Variants in PTPRJ observed in about 807,000 individuals in gnomAD.
PTPRJ encodes the protein protein tyrosine phosphatase receptor type J.
Under a neutral mutation model 141.3 loss-of-function variants are expected in PTPRJ, and 129 were observed. That is an observed-to-expected ratio of 0.91 (90% confidence interval 0.79 to 1.06). The LOEUF (loss-of-function observed/expected upper bound fraction) is 1.06. Ranked by LOEUF, PTPRJ falls within the 50% of genes least tolerant of loss-of-function variation. The pLI, the probability that PTPRJ is intolerant of heterozygous loss-of-function variation, is 0.00. For missense variants in PTPRJ, 1,601 were observed against 1,679.7 expected (o/e 0.95, Z 0.82); for synonymous variants, 610 against 640.5 (o/e 0.95, Z 0.72).
At chr11:48,150,445 C>G (rs891823395) in intron 18 of PTPRJ, among the ~76,000 whole-genome samples, 2 of 152,208 alleles carry the variant, frequency 1.3e-5, no homozygotes, top group African/African-American at 4.8e-5. Flanking sequence ...TGTTGCGCTC[C>G]AAACCCTTTG....
At chr11:48,159,812 T>C (rs952363335) in intron 21 of PTPRJ, 118 bp from the exon 22 acceptor site, 2 of 1,323,370 alleles carry the variant, frequency 1.5e-6, no homozygotes, top group African/African-American at 3.0e-5. Context: ...AAAACCCAAC[T>C]AGAAGGTCTG....
chr11:48,027,370 C>A (rs746324119), intron 1 of PTPRJ, among the ~76,000 whole-genome samples: 1 of 151,996 alleles, frequency 6.6e-6, no homozygotes, highest in Non-Finnish European at 1.5e-5. Context: ...GATATAGAGT[C>A]TTCCCATAAA....
chr11:48,026,792 C>T (rs1168065915), intron 1 of PTPRJ, among the ~76,000 whole-genome samples: 2 of 151,784 alleles, frequency 1.3e-5, no homozygotes, highest in Admixed American at 6.6e-5. Flanking sequence ...TTGGTGCACC[C>T]ATCACCTGAG....
intron 21 of PTPRJ, among the ~76,000 whole-genome samples, chr11:48,157,629 A>G (rs2134383069): frequency 6.6e-6 from 1 of 152,330 alleles, no homozygotes; most frequent in African/African-American, 2.4e-5. Context: ...GGAGCCCTTC[A>G]GGCATCATTT....
chr11:48,061,976 G>A (rs1854944517), intron 1 of PTPRJ, among the ~76,000 whole-genome samples: 1 of 150,340 alleles, frequency 6.7e-6, no homozygotes, highest in Non-Finnish European at 1.5e-5. Context: ...GAGTGCAGTG[G>A]TGTGATCTTG....
intron 9 of PTPRJ, among the ~76,000 whole-genome samples, chr11:48,136,654 G>A (rs941471185): frequency 6.6e-6 from 1 of 152,070 alleles, no homozygotes; most frequent in Non-Finnish European, 1.5e-5. Flanking sequence ...GGTGTTTTGC[G>A]AATATTTGAA....
rs573116609 is a variant in PTPRJ at position 48,156,225 on chromosome 11, A to C, written c.3438+106A>C. ...TTTGTTTCTTTAAAAAAACTCAAAC[A>C]TTAGCACTTTATTCTTATAAACTTG... On this transcript the variant is annotated intron_variant, in intron 21 of 24. Coordinates refer to ENST00000418331, the MANE Select transcript of PTPRJ (RefSeq NM_002843.4). 9 of 952,984 alleles carry C rather than the reference A, an allele frequency of 9.4e-6. No homozygotes were observed. In the African/African-American group the frequency reaches 1.5e-4, roughly 16 times the overall value. 59.0% of individuals were successfully genotyped at this position (952,984 alleles called of 1,614,324 possible).
At chr11:48,167,160 G>T (rs372519671) in intron 24 of PTPRJ, 44 bp from the exon 25 acceptor site, 1 of 1,558,562 alleles carries the variant, frequency 6.4e-7, no homozygotes, top group East Asian at 2.3e-5. Context: ...TAATTTCTGG[G>T]ACCCATGTTC....
At chr11:48,106,213 A>G (rs753571750) in intron 1 of PTPRJ, among the ~76,000 whole-genome samples, 7 of 152,338 alleles carry the variant, frequency 4.6e-5, no homozygotes, top group Non-Finnish European at 8.8e-5. Context: ...GTCCTCTTAT[A>G]TTCCAAATGA....
chr11:48,070,363 G>T (rs1485893342), intron 1 of PTPRJ, among the ~76,000 whole-genome samples: 2 of 152,180 alleles, frequency 1.3e-5, no homozygotes, highest in Non-Finnish European at 2.9e-5. Context: ...TTAGCCAGGT[G>T]TGGTGGTGGG....
chr11:48,053,405 AAT>A (rs1284277646), intron 1 of PTPRJ, among the ~76,000 whole-genome samples: 9 of 108,998 alleles, frequency 8.3e-5, no homozygotes, highest in African/African-American at 1.5e-4. Context: ...TATGATATAT[AAT>A]ATATATAAAT....
intron 1 of PTPRJ, among the ~76,000 whole-genome samples, chr11:48,082,901 G>C (rs1855602499): frequency 6.6e-6 from 1 of 152,186 alleles, no homozygotes; most frequent in South Asian, 2.1e-4. Flanking sequence ...TGTATACATA[G>C]TGTATGTGAA....
At chr11:48,089,984 C>G (rs559229321) in intron 1 of PTPRJ, among the ~76,000 whole-genome samples, 2 of 152,324 alleles carry the variant, frequency 1.3e-5, no homozygotes, top group African/African-American at 4.8e-5. Context: ...ATGTAAGATC[C>G]TTAGAGCACT....
At position 48,098,645 on chromosome 11, in the gene PTPRJ, T is replaced by C. The variant is rs1421022076; in HGVS notation, c.97-11413T>C. Among the ~76,000 whole-genome samples the C allele has an allele frequency of 1.4e-4, 8 of 57,466 alleles. 2 individuals are homozygous for C. The highest frequency in any genetic ancestry group is 4.9e-4 in the Admixed American group (2 of 4,118). 37.7% of individuals were successfully genotyped at this position (57,466 alleles called of 152,430 possible). A position where few individuals can be genotyped will look rare whatever the true frequency, so the allele number is the denominator to read the frequency against. ...ACGCCATTCTCCTGCCTCAGCCTCCTGTGTAGCTGGGACTACAGGCACGCG... is the reference window on the plus strand; with the variant it reads ...ACGCCATTCTCCTGCCTCAGCCTCCCGTGTAGCTGGGACTACAGGCACGCG... On this transcript the variant is annotated intron_variant, in intron 1 of 24. Coordinates refer to ENST00000418331, the MANE Select transcript of PTPRJ (RefSeq NM_002843.4).
At chr11:47,991,684 G>A (rs1304700081) in intron 1 of PTPRJ, among the ~76,000 whole-genome samples, 2 of 152,132 alleles carry the variant, frequency 1.3e-5, no homozygotes, top group African/African-American at 4.8e-5. Context: ...GGGTGTGAAG[G>A]GAAATTGCTG....
Position 48,125,024 on chromosome 11 carries a change from G to A in PTPRJ, c.931G>A (p.Glu311Lys), listed in dbSNP as rs767694434. ...AGSPTAPVHD[E>K]SLVGPVDPSS... ...GAGCCCCACCGCCCCTGTGCATGAT[G>A]AGTCCCTCGTGGGACCTGTGGACCC... Residue 311 changes from glutamate (E) to lysine (K), a missense_variant, in exon 6 of 25, where the codon GAG (glutamate) becomes AAG (lysine). Coordinates refer to ENST00000418331, the MANE Select transcript of PTPRJ (RefSeq NM_002843.4). 2.5e-6 allele frequency: 4 copies of A among 1,614,100 alleles called. No individual in the cohort carries two copies. Among genetic ancestry groups the A allele is most frequent in the Non-Finnish European group, 2.5e-6 (3 of 1,180,008 alleles).
rs1856472078 is a variant in PTPRJ at position 48,112,750 on chromosome 11, CT to C, written c.120del (p.Ser41ValfsTer8). ...ATTGTTTACTTTCTTTGCATAGCCC[CT>C]AGTCCAATTCCTGACCCTTCAGTAG... is the stretch of plus-strand genomic sequence containing the variant. ...LGQILCAGGT[P>X]SPIPDPSVAT... On this transcript the variant is annotated frameshift_variant, in exon 3 of 25. Transcript: ENST00000418331. LOFTEE classifies it high-confidence loss of function. 1 of 1,609,744 alleles carries C rather than the reference CT, an allele frequency of 6.2e-7. No individual in the cohort carries two copies. Among genetic ancestry groups the C allele is most frequent in the Non-Finnish European group, 8.5e-7 (1 of 1,175,978 alleles).
At chr11:47,995,229 T>C (rs1854302169) in intron 1 of PTPRJ, among the ~76,000 whole-genome samples, 1 of 152,178 alleles carries the variant, frequency 6.6e-6, no homozygotes, top group African/African-American at 2.4e-5. Flanking sequence ...AAAGTAACAA[T>C]AGTAGCTACC....
chr11:48,051,746 T>C (rs565188769), intron 1 of PTPRJ, among the ~76,000 whole-genome samples: 1 of 152,216 alleles, frequency 6.6e-6, no homozygotes, highest in Non-Finnish European at 1.5e-5. Context: ...GGGGCTCAGC[T>C]CCCTCATCTG....
Sources: gnomAD v4.1 joint callset for allele counts (sites outside exome capture counted in the v4.1 genomes callset) on GRCh38, gnomAD v4.1.1 for gene constraint, MANE v1.5 for transcripts, NCBI Gene and HGNC (gene_info 2026-07-23, HGNC 2026-07-21) for gene names.